TAF2: variants seen among roughly 807,000 people sequenced by gnomAD.
TAF2 encodes the protein TATA-box binding protein associated factor 2.
In TAF2, 61 loss-of-function variants were observed where a neutral mutation model predicts 138.5. The observed-to-expected ratio is 0.44, with a 90% confidence interval of 0.36 to 0.54. The LOEUF (loss-of-function observed/expected upper bound fraction) is 0.54, where lower values mean the gene tolerates loss of function less well. Among genes scored for constraint, TAF2 ranks in the 20% least tolerant of loss-of-function variants. The pLI is 0.00. For missense variants in TAF2, 1,090 were observed against 1,427.9 expected (o/e 0.76, Z 3.81); for synonymous variants, 475 against 469.9 (o/e 1.01, Z -0.14).
At position 119,806,341 on chromosome 8, in the gene TAF2, A is replaced by T; in HGVS notation, c.360T>A (p.Asp120Glu). The change falls in exon 4 of 26, where the codon GAT becomes GAA. Residue 120 changes from aspartate (D) to glutamate (E), a missense_variant. Coordinates refer to ENST00000378164, the MANE Select transcript of TAF2 (RefSeq NM_003184.4). The stretch of plus-strand genomic sequence containing the variant: ...TAATGCAAAGTTCTCCATTTCCTGC[A>T]TCAGGGTCCACAGCACTAACTGCAG... The part of the protein sequence containing the change: ...YAAAVSAVDP[D>E]AGNGELCIKV... 1 of 1,614,164 alleles carries T rather than the reference A, an allele frequency of 6.2e-7. No homozygotes were observed. The highest frequency in any genetic ancestry group is 8.5e-7 in the Non-Finnish European group (1 of 1,180,012).
chr8:119,790,759 T>C (rs958573104), intron 11 of TAF2, among the ~76,000 whole-genome samples: 5 of 152,172 alleles, frequency 3.3e-5, no homozygotes, highest in African/African-American at 1.2e-4. Flanking sequence ...AGAACACAAA[T>C]TCATATGTAT....
At position 119,775,007 on chromosome 8, in the gene TAF2, G is replaced by A. The variant is rs556685229; in HGVS notation, c.2364+3012C>T. On this transcript the variant is annotated intron_variant, in intron 18 of 25. Transcript: ENST00000378164. ...TATTAAAAAAAATTGGAGGCCAGGCGTGGTGGCTCACACCTGTAATATCAG... is the reference window on the plus strand; with the variant it reads ...TATTAAAAAAAATTGGAGGCCAGGCATGGTGGCTCACACCTGTAATATCAG... Among the ~76,000 whole-genome samples, 73 of 151,942 alleles carry A rather than the reference G, an allele frequency of 4.8e-4. 1 individual carries two copies. Among genetic ancestry groups the A allele is most frequent in the Admixed American group, 1.6e-3 (24 of 15,268 alleles).
At chr8:119,814,488 A>C (rs2131242986) in intron 3 of TAF2, among the ~76,000 whole-genome samples, 1 of 152,196 alleles carries the variant, frequency 6.6e-6, no homozygotes, top group Non-Finnish European at 1.5e-5. Context: ...ATAACTGGAT[A>C]ACTACTTCAT....
intron 18 of TAF2, among the ~76,000 whole-genome samples, chr8:119,771,575 A>T (rs1821842329): frequency 6.6e-6 from 1 of 152,118 alleles, no homozygotes; most frequent in Admixed American, 6.6e-5. Flanking sequence ...TAGACTTTAA[A>T]CTGACAATAG....
chr8:119,733,784 C>CCG (rs1563806501), intron 25 of TAF2, among the ~76,000 whole-genome samples: 2 of 151,888 alleles, frequency 1.3e-5, no homozygotes, highest in African/African-American at 4.8e-5. Flanking sequence ...AAATCCGCCC[C>CCG]CCCCCATCCT....
chr8:119,761,814 A>C (rs536639476), intron 19 of TAF2: 1 of 152,406 alleles, frequency 6.6e-6, no homozygotes, highest in East Asian at 1.9e-4. Flanking sequence ...AAAAAAAAAA[A>C]AGAAAACAAA....
intron 18 of TAF2, among the ~76,000 whole-genome samples, chr8:119,766,794 G>A (rs975015263): frequency 4.6e-5 from 7 of 152,002 alleles, no homozygotes; most frequent in African/African-American, 4.8e-5. Context: ...AGATCACACC[G>A]CTGTACTCCA....
At chr8:119,788,528 A>C in intron 13 of TAF2, 81 bp from the exon 14 acceptor site, 2 of 1,197,888 alleles carry the variant, frequency 1.7e-6, no homozygotes, top group Non-Finnish European at 1.2e-6. Flanking sequence ...GAGAAATATA[A>C]ATCAAGATAT....
chr8:119,762,856 A>C (rs896277300), intron 18 of TAF2: 1 of 339,630 alleles, frequency 2.9e-6, no homozygotes, highest in African/African-American at 2.1e-5. Context: ...GAAAGCATAA[A>C]GAAACTGGAG....
At chr8:119,789,785 A>T (rs1452375455) in intron 11 of TAF2, 39 bp from the exon 12 acceptor site, 1 of 1,574,224 alleles carries the variant, frequency 6.4e-7, no homozygotes, top group Non-Finnish European at 8.7e-7. Context: ...CATATAACAG[A>T]TTCTTTTCAA....
chr8:119,804,085 A>C (rs754185189), intron 4 of TAF2, 66 bp from the exon 5 acceptor site: 13 of 1,562,480 alleles, frequency 8.3e-6, no homozygotes, highest in African/African-American at 1.4e-5. Flanking sequence ...ATAAAGACAA[A>C]GATTTAATGC....
intron 16 of TAF2, among the ~76,000 whole-genome samples, chr8:119,782,184 A>C (rs950464885): frequency 8.5e-5 from 13 of 152,264 alleles, no homozygotes; most frequent in Non-Finnish European, 8.8e-5. Flanking sequence ...AAGGTTTTTC[A>C]ATCTACCCTA....
At chr8:119,764,877 A>T (rs547253856) in intron 18 of TAF2, among the ~76,000 whole-genome samples, 83 of 152,166 alleles carry the variant, frequency 5.5e-4, no homozygotes, top group Non-Finnish European at 1.0e-3. Flanking sequence ...GAAAAAAGGA[A>T]CACTAAAAAT....
Position 119,801,917 on chromosome 8 carries a change from T to C in TAF2, c.669A>G (p.Thr223=), listed in dbSNP as rs1435666493. ...VAVSNGDLVE[T]VYTHDMRKKT... ...TCTTCCTCATATCATGAGTATACAC[T>C]GTCTCCACCAAATCGCCATTAGAAA... is the stretch of plus-strand genomic sequence containing the variant. The change falls in exon 6 of 26, where the codon ACA becomes ACG. Residue 223 remains threonine, a synonymous_variant. Transcript: ENST00000378164. 3 of 1,614,172 alleles carry C rather than the reference T, an allele frequency of 1.9e-6. No homozygotes were observed. The highest frequency in any genetic ancestry group is 1.7e-5 in the Admixed American group (1 of 60,020).
chr8:119,825,162 C>T (rs1826020689), intron 2 of TAF2, among the ~76,000 whole-genome samples: 1 of 152,254 alleles, frequency 6.6e-6, no homozygotes, highest in South Asian at 2.1e-4. Context: ...TGGGAACCTA[C>T]CTCTTGCATC....
In TAF2 at chr8:119,791,281, G is replaced by C. The variant is rs1308570638; in HGVS notation, c.1413+43C>G. The C allele has an allele frequency of 1.9e-6, 3 of 1,602,678 alleles. No individual in the cohort carries two copies. The South Asian group carries it at 3.3e-5, about 18-fold the overall frequency. On this transcript the variant is annotated intron_variant, in intron 11 of 25. Transcript: ENST00000378164. ...AACATACTCAGATTATACACATACA[G>C]ATCTTTATTTACCATTGTTAAGTTC...
At chr8:119,822,777 C>T (rs889806977) in intron 2 of TAF2, among the ~76,000 whole-genome samples, 1 of 152,170 alleles carries the variant, frequency 6.6e-6, no homozygotes, top group African/African-American at 2.4e-5. Flanking sequence ...CTCTCCCAGT[C>T]CTCCTGTTCA....
chr8:119,769,781 A>G (rs901953737), intron 18 of TAF2, among the ~76,000 whole-genome samples: 7 of 150,546 alleles, frequency 4.6e-5, no homozygotes, highest in African/African-American at 1.5e-4. Flanking sequence ...TTTTTTAGAC[A>G]GAGTCTCGCT....
At position 119,731,859 on chromosome 8, in the gene TAF2, G is replaced by C; in HGVS notation, c.*65C>G. 6.7e-7 allele frequency: 1 copy of C among 1,500,338 alleles called. No homozygotes were observed. Among genetic ancestry groups the C allele is most frequent in the Non-Finnish European group, 9.3e-7 (1 of 1,078,202 alleles). The allele number at this position is 1,500,338 out of a possible 1,614,324, so 92.9% of individuals were successfully genotyped here. ...CCCCTCCCTTTTATAATTCTTCACA[G>C]AGGACAAAGCTTTAGTTACATACAT... On this transcript the variant is annotated 3_prime_UTR_variant, in exon 26 of 26. Coordinates refer to ENST00000378164, the MANE Select transcript of TAF2 (RefSeq NM_003184.4).
Sources: allele counts gnomAD v4.1 joint callset (sites outside exome capture counted in the v4.1 genomes callset), GRCh38; gene constraint gnomAD v4.1.1; transcripts MANE v1.5; gene names NCBI Gene and HGNC (gene_info 2026-07-23, HGNC 2026-07-21).